Variants in KANSL1L observed in about 807,000 individuals in gnomAD.
KANSL1L encodes KAT8 regulatory NSL complex subunit 1 like.
KANSL1L carries 25 observed loss-of-function variants against 108.6 expected under a neutral mutation model. The ratio of observed to expected loss-of-function variants is 0.23; its 90% CI spans 0.17 to 0.32. The LOEUF (loss-of-function observed/expected upper bound fraction) is 0.32, where lower values mean the gene tolerates loss of function less well. Among genes scored for constraint, KANSL1L ranks in the 10% least tolerant of loss-of-function variants. The probability of loss-of-function intolerance (pLI) is 1.00; values close to 1 mark genes in which losing one functional copy is unlikely to be tolerated. For synonymous variants in KANSL1L, 405 were observed against 395.1 expected (o/e 1.03, Z -0.30); for missense variants, 1,137 against 1,125.7 (o/e 1.01, Z -0.14).
At chr2:210,143,448 G>A (rs1180878545) in intron 2 of KANSL1L, among the ~76,000 whole-genome samples, 1 of 152,002 alleles carries the variant, frequency 6.6e-6, no homozygotes, top group East Asian at 1.9e-4. Flanking sequence ...TTATATCCGA[G>A]GCAATTGTTG....
intron 5 of KANSL1L, among the ~76,000 whole-genome samples, chr2:210,090,895 A>G (rs2094687624): frequency 6.6e-6 from 1 of 152,160 alleles, no homozygotes; most frequent in Non-Finnish European, 1.5e-5. Context: ...TCCTATTATT[A>G]TATTGCTACT....
intron 2 of KANSL1L, among the ~76,000 whole-genome samples, chr2:210,138,267 G>C (rs2095192861): frequency 1.3e-5 from 2 of 151,796 alleles, no homozygotes; most frequent in African/African-American, 4.8e-5. Flanking sequence ...CTAAATATTG[G>C]GTAAACATAG....
chr2:210,163,708 T>G (rs1305435253), intron 1 of KANSL1L, among the ~76,000 whole-genome samples: 1 of 152,038 alleles, frequency 6.6e-6, no homozygotes, highest in Non-Finnish European at 1.5e-5. Flanking sequence ...ATATATAAAA[T>G]TATATTACAT....
intron 2 of KANSL1L, among the ~76,000 whole-genome samples, chr2:210,146,135 C>T (rs769615505): frequency 4.6e-5 from 7 of 152,060 alleles, no homozygotes; most frequent in African/African-American, 4.8e-5. Context: ...TGCCTGATAC[C>T]GGTAGCCCCC....
chr2:210,155,495 T>C (rs367550418), intron 1 of KANSL1L, among the ~76,000 whole-genome samples: 1 of 152,182 alleles, frequency 6.6e-6, no homozygotes, highest in Non-Finnish European at 1.5e-5. Flanking sequence ...TAGTAAAAAC[T>C]TGCCTAATGC....
At chr2:210,163,607 G>C (rs760063574) in intron 1 of KANSL1L, among the ~76,000 whole-genome samples, 7 of 151,944 alleles carry the variant, frequency 4.6e-5, no homozygotes, top group Admixed American at 6.6e-5. Flanking sequence ...AAACAATAAT[G>C]ACTAAGAATT....
At chr2:210,029,181 AT>A in intron 10 of KANSL1L, 1 of 454,862 alleles carries the variant, frequency 2.2e-6, no homozygotes, top group Non-Finnish European at 3.8e-6. Flanking sequence ...TAGATGTGTA[AT>A]GTGTATTTAT....
At chr2:210,155,983 C>T (rs1257477144) in intron 1 of KANSL1L, among the ~76,000 whole-genome samples, 1 of 151,930 alleles carries the variant, frequency 6.6e-6, no homozygotes, top group African/African-American at 2.4e-5. Context: ...AAAATAAAAG[C>T]ACAACAATTT....
chr2:210,120,665 G>A (rs1043261429), intron 3 of KANSL1L, among the ~76,000 whole-genome samples: 1 of 152,128 alleles, frequency 6.6e-6, no homozygotes, highest in African/African-American at 2.4e-5. Context: ...CTAAACTAGA[G>A]AGTTTCTGCA....
chr2:210,114,674 G>A (rs575755917), intron 3 of KANSL1L, among the ~76,000 whole-genome samples: 12 of 152,056 alleles, frequency 7.9e-5, no homozygotes, highest in African/African-American at 2.9e-4. Flanking sequence ...GGTAACTTTG[G>A]TTTGCAGCTC....
At chr2:210,056,421 C>T (rs757130364) in intron 6 of KANSL1L, among the ~76,000 whole-genome samples, 3 of 152,288 alleles carry the variant, frequency 2.0e-5, no homozygotes, top group Non-Finnish European at 2.9e-5. Flanking sequence ...TGCTAATCAC[C>T]GAATCATTAT....
At chr2:210,096,401 G>A in intron 5 of KANSL1L, 1 of 674,944 alleles carries the variant, frequency 1.5e-6, no homozygotes, top group Non-Finnish European at 1.8e-6. Flanking sequence ...CTTCATATTT[G>A]TGTCCCTAGG....
At chr2:210,110,379 T>C (rs547696055) in intron 3 of KANSL1L, among the ~76,000 whole-genome samples, 2 of 152,216 alleles carry the variant, frequency 1.3e-5, no homozygotes, top group African/African-American at 4.8e-5. Flanking sequence ...TCTTATCATA[T>C]AAAGTGTAGA....
intron 6 of KANSL1L, among the ~76,000 whole-genome samples, chr2:210,057,970 A>G (rs2094372481): frequency 6.6e-6 from 1 of 152,212 alleles, no homozygotes; most frequent in Non-Finnish European, 1.5e-5. Context: ...TGTTTGAACA[A>G]TATGAAATCT....
intron 5 of KANSL1L, among the ~76,000 whole-genome samples, chr2:210,084,437 A>G (rs1575498467): frequency 2.6e-5 from 4 of 152,328 alleles, no homozygotes; most frequent in Admixed American, 2.6e-4. Flanking sequence ...AGAAAAATTA[A>G]GATCCATCTT....
intron 2 of KANSL1L, among the ~76,000 whole-genome samples, chr2:210,143,806 T>C (rs1034309311): frequency 2.0e-5 from 3 of 152,200 alleles, no homozygotes; most frequent in African/African-American, 7.2e-5. Context: ...GTACATCCTA[T>C]GACAAATTAT....
intron 5 of KANSL1L, chr2:210,080,444 T>C (rs2094580798): frequency 6.6e-6 from 1 of 152,236 alleles, no homozygotes; most frequent in African/African-American, 2.4e-5. Context: ...TAGTTCTGGC[T>C]ACTCAGCAGG....
chr2:210,087,148 CGTCCCAAGCA>C (rs2094645897), intron 5 of KANSL1L, among the ~76,000 whole-genome samples: 4 of 151,892 alleles, frequency 2.6e-5, no homozygotes, highest in African/African-American at 9.7e-5. Flanking sequence ...CCCACCTCAG[CGTCCCAAGCA>C]GCTGAGACCA....
chr2:210,113,196 G>A (rs1180307281), intron 3 of KANSL1L, among the ~76,000 whole-genome samples: 2 of 151,708 alleles, frequency 1.3e-5, no homozygotes, highest in African/African-American at 2.4e-5. Context: ...GGATTTAAAG[G>A]GCCAGCACCC....
Sources: gnomAD v4.1 joint callset for allele counts (sites outside exome capture counted in the v4.1 genomes callset) on GRCh38, gnomAD v4.1.1 for gene constraint, MANE v1.5 for transcripts, NCBI Gene and HGNC (gene_info 2026-07-23, HGNC 2026-07-21) for gene names.